Variants in TAFA2 observed in about 807,000 individuals in gnomAD.
TAFA2 encodes the protein TAFA chemokine like family member 2, also known as chemokine-like protein TAFA-2.
Under a neutral mutation model 18.8 loss-of-function variants are expected in TAFA2, and 7 were observed. The ratio of observed to expected loss-of-function variants is 0.37; its 90% CI spans 0.21 to 0.70. TAFA2 has a LOEUF of 0.70. TAFA2 is among the 30% of genes least tolerant of loss of function. The probability of loss-of-function intolerance (pLI) is 0.53; values close to 1 mark genes in which losing one functional copy is unlikely to be tolerated. For missense variants in TAFA2, 122 were observed against 158.1 expected (o/e 0.77, Z 1.23); for synonymous variants, 60 against 54.2 (o/e 1.11, Z -0.47).
At chr12:62,171,167 A>G (rs1469122102) in intron 1 of TAFA2, among the ~76,000 whole-genome samples, 1 of 152,052 alleles carries the variant, frequency 6.6e-6, no homozygotes, top group African/African-American at 2.4e-5. Flanking sequence ...ATTATTATTA[A>G]CATTTTATTC....
At chr12:62,098,565 C>T (rs996567223) in intron 1 of TAFA2, among the ~76,000 whole-genome samples, 5 of 152,160 alleles carry the variant, frequency 3.3e-5, no homozygotes, top group African/African-American at 1.2e-4. Context: ...TAAATTAAGG[C>T]TCTAATTCTT....
intron 1 of TAFA2, among the ~76,000 whole-genome samples, chr12:62,220,038 C>A (rs911976334): frequency 6.6e-6 from 1 of 151,634 alleles, no homozygotes; most frequent in Non-Finnish European, 1.5e-5. Flanking sequence ...GAAATGTTAC[C>A]AAAAATAAAA....
intron 2 of TAFA2, among the ~76,000 whole-genome samples, chr12:61,817,778 C>T (rs1296016005): frequency 1.3e-5 from 2 of 152,132 alleles, no homozygotes; most frequent in Non-Finnish European, 2.9e-5. Context: ...CCAAAATAAA[C>T]ATAAATCAGC....
At chr12:62,014,228 G>A (rs563562827) in intron 1 of TAFA2, among the ~76,000 whole-genome samples, 104 of 152,256 alleles carry the variant, frequency 6.8e-4, no homozygotes, top group Admixed American at 1.8e-3. Flanking sequence ...ACACATTAGT[G>A]GACCAACTTT....
At chr12:62,205,568 G>A (rs2062688417) in intron 1 of TAFA2, among the ~76,000 whole-genome samples, 1 of 152,230 alleles carries the variant, frequency 6.6e-6, no homozygotes, top group African/African-American at 2.4e-5. Flanking sequence ...CCAGTGAGGA[G>A]GGATGGGTCA....
intron 2 of TAFA2, among the ~76,000 whole-genome samples, chr12:61,795,709 A>G (rs1209329594): frequency 3.3e-5 from 5 of 151,970 alleles, no homozygotes; most frequent in Non-Finnish European, 1.5e-5. Context: ...CATGTACCCT[A>G]GAACTTAAAG....
At chr12:61,799,898 G>A (rs1871339583) in intron 2 of TAFA2, among the ~76,000 whole-genome samples, 1 of 152,118 alleles carries the variant, frequency 6.6e-6, no homozygotes, top group African/African-American at 2.4e-5. Context: ...TCCAAGTGGT[G>A]GAATTTGGGC....
chr12:61,845,849 C>T (rs1565654188), intron 2 of TAFA2, among the ~76,000 whole-genome samples: 1 of 152,028 alleles, frequency 6.6e-6, no homozygotes, highest in Non-Finnish European at 1.5e-5. Flanking sequence ...TATAAAGTGT[C>T]CAAACATACC....
intron 1 of TAFA2, among the ~76,000 whole-genome samples, chr12:61,889,526 G>C (rs1875536948): frequency 6.6e-6 from 1 of 152,058 alleles, no homozygotes; most frequent in Non-Finnish European, 1.5e-5. Context: ...ACACAAACTA[G>C]GTTCTCAAAA....
At chr12:62,156,115 C>T (rs2062367493) in intron 1 of TAFA2, among the ~76,000 whole-genome samples, 1 of 152,062 alleles carries the variant, frequency 6.6e-6, no homozygotes, top group African/African-American at 2.4e-5. Context: ...AGAAACAATC[C>T]CATCAAAAAG....
chr12:61,884,636 G>A (rs539972314), intron 1 of TAFA2, among the ~76,000 whole-genome samples: 1 of 152,214 alleles, frequency 6.6e-6, no homozygotes, highest in South Asian at 2.1e-4. Flanking sequence ...TTTATAATTT[G>A]TTTCAGAAAG....
At chr12:62,024,266 A>G (rs1881243227) in intron 1 of TAFA2, among the ~76,000 whole-genome samples, 1 of 152,148 alleles carries the variant, frequency 6.6e-6, no homozygotes, top group Admixed American at 6.5e-5. Flanking sequence ...TCCACCGTAT[A>G]AGTAACCTGA....
At chr12:61,903,688 A>G (rs1417161779) in intron 1 of TAFA2, among the ~76,000 whole-genome samples, 1 of 152,180 alleles carries the variant, frequency 6.6e-6, no homozygotes, top group Admixed American at 6.5e-5. Context: ...AATATTGGAT[A>G]AATTGCTTGA....
rs558562760 is a variant in TAFA2, at chr12:61,950,434, G to C, written c.-1-83008C>G. Reference sequence around the variant, plus strand: ...ACATTCTTGCCAACATTTATTTTCTGTTTGTTTTGATAGTGGCCATCCTAA... The same window carrying C: ...ACATTCTTGCCAACATTTATTTTCTCTTTGTTTTGATAGTGGCCATCCTAA... On this transcript the variant is annotated intron_variant, in intron 1 of 4. Transcript: ENST00000416284. 3.9e-5 allele frequency among the ~76,000 whole-genome samples: 6 copies of C among 152,156 alleles called. No individual in the cohort carries two copies. In the South Asian group the frequency reaches 1.2e-3, roughly 32 times the overall value.
chr12:62,151,955 G>T (rs1435843592), intron 1 of TAFA2, among the ~76,000 whole-genome samples: 1 of 152,206 alleles, frequency 6.6e-6, no homozygotes, highest in Non-Finnish European at 1.5e-5. Flanking sequence ...TATGGTTCTA[G>T]GGAGGAATAG....
chr12:61,961,954 A>G (rs1878901281), intron 1 of TAFA2, among the ~76,000 whole-genome samples: 1 of 152,030 alleles, frequency 6.6e-6, no homozygotes, highest in African/African-American at 2.4e-5. Flanking sequence ...CAGAACATGT[A>G]CTTATTTCCT....
chr12:62,108,035 C>T (rs1427422036), intron 1 of TAFA2, among the ~76,000 whole-genome samples: 9 of 151,962 alleles, frequency 5.9e-5, no homozygotes, highest in Non-Finnish European at 1.3e-4. Flanking sequence ...ATGTGCAGAA[C>T]GTGCAGGTTT....
At position 62,015,482 on chromosome 12, in the gene TAFA2, G is replaced by A. The variant is rs1880905953; in HGVS notation, c.-1-148056C>T. Among the ~76,000 whole-genome samples, 3 of 152,038 alleles carry A rather than the reference G, an allele frequency of 2.0e-5. No individual in the cohort carries two copies. The South Asian group carries it at 6.2e-4, about 31-fold the overall frequency. Reference sequence around the variant, plus strand: ...TACATAGTAGGAAATCTCAGTAAATGGTTTTTAAGTGGATTTTTTAATGAT... The same window carrying A: ...TACATAGTAGGAAATCTCAGTAAATAGTTTTTAAGTGGATTTTTTAATGAT... On this transcript the variant is annotated intron_variant, in intron 1 of 4. Transcript: ENST00000416284.
chr12:61,710,594 T>G (rs1037854502), intron 4 of TAFA2, among the ~76,000 whole-genome samples, 177 bp from the exon 5 acceptor site: 1 of 152,132 alleles, frequency 6.6e-6, no homozygotes, highest in Non-Finnish European at 1.5e-5. Context: ...AAATATACTT[T>G]TTTTCTCATT....
Sources: gnomAD v4.1 joint callset for allele counts (sites outside exome capture counted in the v4.1 genomes callset) on GRCh38, gnomAD v4.1.1 for gene constraint, MANE v1.5 for transcripts, NCBI Gene and HGNC (gene_info 2026-07-23, HGNC 2026-07-21) for gene names.